UST: variants seen among roughly 807,000 people sequenced by gnomAD.
UST encodes the protein uronyl 2-sulfotransferase, also known as chondroitin sulfate 2-O-sulfotransferase.
A neutral mutation model predicts 45.6 loss-of-function variants in UST; 21 were observed. The ratio of observed to expected loss-of-function variants is 0.46; its 90% CI spans 0.33 to 0.66. The LOEUF (loss-of-function observed/expected upper bound fraction) is 0.66. Among genes scored for constraint, UST ranks in the 30% least tolerant of loss-of-function variants. The pLI is 0.02. For synonymous variants in UST, 215 were observed against 200.6 expected, an observed-to-expected ratio of 1.07 and a Z score of -0.61; for missense variants, 463 against 512.4, an observed-to-expected ratio of 0.90 and a Z score of 0.93.
chr6:148,890,127 T>C (rs1817508), intron 2 of UST, among the ~76,000 whole-genome samples: 31,974 of 152,098 alleles, frequency 0.21, 4,020 homozygotes, highest in African/African-American at 0.34. Context: ...AGCAGCAAAA[T>C]ACTCTTGATT....
intron 1 of UST, among the ~76,000 whole-genome samples, chr6:148,764,587 A>G (rs1478942469): frequency 6.6e-6 from 1 of 152,116 alleles, no homozygotes; most frequent in African/African-American, 2.4e-5. Flanking sequence ...AAGAGTACAA[A>G]AGAGAGAAAT....
intron 1 of UST, among the ~76,000 whole-genome samples, chr6:148,874,406 A>G (rs1037591282): frequency 3.9e-5 from 6 of 152,222 alleles, no homozygotes; most frequent in African/African-American, 7.2e-5. Flanking sequence ...TAGTAAGGGA[A>G]GAGCATTAAT....
chr6:148,840,159 A>G (rs1777862456), intron 1 of UST, among the ~76,000 whole-genome samples: 2 of 152,318 alleles, frequency 1.3e-5, no homozygotes, highest in South Asian at 2.1e-4. Context: ...AGGAACCCAA[A>G]GGAAGGTATG....
At chr6:148,983,950 G>C (rs1781188337) in intron 5 of UST, among the ~76,000 whole-genome samples, 2 of 152,192 alleles carry the variant, frequency 1.3e-5, no homozygotes, top group South Asian at 4.1e-4. Flanking sequence ...ATCGATGCCA[G>C]TGGCTGAAAT....
intron 3 of UST, among the ~76,000 whole-genome samples, chr6:148,952,025 T>A (rs1274588709): frequency 1.3e-5 from 2 of 152,232 alleles, no homozygotes; most frequent in Non-Finnish European, 2.9e-5. Flanking sequence ...GTTCTTCCAG[T>A]TTTCTTGTAC....
intron 1 of UST, among the ~76,000 whole-genome samples, chr6:148,846,444 T>C (rs1777992088): frequency 6.6e-6 from 1 of 151,268 alleles, no homozygotes; most frequent in African/African-American, 2.4e-5. Flanking sequence ...CTGGGGACTG[T>C]TGTGGGTTGG....
chr6:148,841,400 C>T (rs183318742), intron 1 of UST, among the ~76,000 whole-genome samples: 3 of 152,280 alleles, frequency 2.0e-5, no homozygotes, highest in East Asian at 3.9e-4. Context: ...CAAGTTTCAT[C>T]TGTGGGAAGT....
intron 1 of UST, among the ~76,000 whole-genome samples, chr6:148,879,146 C>G (rs1182728456): frequency 6.6e-6 from 1 of 152,132 alleles, no homozygotes; most frequent in African/African-American, 2.4e-5. Flanking sequence ...CTGTGCCAGC[C>G]CACTCCCAGG....
At chr6:149,049,581 T>C (rs1032114274) in intron 7 of UST, among the ~76,000 whole-genome samples, 3 of 152,200 alleles carry the variant, frequency 2.0e-5, no homozygotes, top group Non-Finnish European at 2.9e-5. Flanking sequence ...GGAAAATAAT[T>C]GAATGTTCAG....
chr6:148,779,459 G>A (rs148673318), intron 1 of UST, among the ~76,000 whole-genome samples: 3 of 152,306 alleles, frequency 2.0e-5, no homozygotes, highest in East Asian at 3.9e-4. Context: ...GGAGAATGTC[G>A]TGCATTGACA....
chr6:148,801,211 C>G (rs1777052744), intron 1 of UST, among the ~76,000 whole-genome samples: 1 of 152,046 alleles, frequency 6.6e-6, no homozygotes, highest in Admixed American at 6.5e-5. Flanking sequence ...ATTTTTCCCC[C>G]AGAGGTATTT....
chr6:148,970,202 C>T (rs976707519), intron 5 of UST, among the ~76,000 whole-genome samples: 3 of 152,082 alleles, frequency 2.0e-5, no homozygotes, highest in African/African-American at 7.2e-5. Flanking sequence ...AAACAGAAAA[C>T]AAGATGGGTG....
At chr6:149,016,686 G>C (rs1775902803) in intron 5 of UST, among the ~76,000 whole-genome samples, 1 of 152,198 alleles carries the variant, frequency 6.6e-6, no homozygotes, top group Non-Finnish European at 1.5e-5. Flanking sequence ...GGCGGTCTCT[G>C]ATGCCCTGCT....
intron 7 of UST, among the ~76,000 whole-genome samples, chr6:149,065,980 G>A (rs1166559276): frequency 6.6e-6 from 1 of 152,210 alleles, no homozygotes; most frequent in East Asian, 1.9e-4. Flanking sequence ...CACCCAGGGA[G>A]TAACCAGGGA....
intron 2 of UST, among the ~76,000 whole-genome samples, chr6:148,932,374 C>A (rs182446758): frequency 3.3e-5 from 5 of 151,706 alleles, no homozygotes; most frequent in Non-Finnish European, 5.9e-5. Context: ...AGCAAGACCT[C>A]GTCTCAAAAA....
At chr6:148,963,659 C>T (rs1368154482) in intron 4 of UST, among the ~76,000 whole-genome samples, 1 of 152,240 alleles carries the variant, frequency 6.6e-6, no homozygotes, top group Non-Finnish European at 1.5e-5. Context: ...ATTTCCTCAA[C>T]TCCAGAAATC....
intron 1 of UST, among the ~76,000 whole-genome samples, chr6:148,777,693 T>C (rs2054660): frequency 0.41 from 62,389 of 151,920 alleles, 13,088 homozygotes; most frequent in Non-Finnish European, 0.45. Flanking sequence ...TATGGGCACC[T>C]GCCACCACAC....
At chr6:148,845,808 T>G (rs1479250181) in intron 1 of UST, among the ~76,000 whole-genome samples, 1 of 152,194 alleles carries the variant, frequency 6.6e-6, no homozygotes, top group Non-Finnish European at 1.5e-5. Flanking sequence ...TTTAAAATAG[T>G]CCTCTTTCAT....
intron 7 of UST, among the ~76,000 whole-genome samples, chr6:149,036,775 G>A (rs1173161307): frequency 6.6e-6 from 1 of 152,122 alleles, no homozygotes; most frequent in Non-Finnish European, 1.5e-5. Flanking sequence ...ATCCTTTAAC[G>A]GTAATTGATT....
Sources: gnomAD v4.1 joint callset for allele counts (sites outside exome capture counted in the v4.1 genomes callset) on GRCh38, gnomAD v4.1.1 for gene constraint, MANE v1.5 for transcripts, NCBI Gene and HGNC (gene_info 2026-07-23, HGNC 2026-07-21) for gene names.